Variants in SNX7 observed in about 807,000 individuals in gnomAD.
The protein encoded by SNX7 is sorting nexin 7.
Under a neutral mutation model 48.4 loss-of-function variants are expected in SNX7, and 35 were observed. That is an observed-to-expected ratio of 0.72 (90% CI 0.55 to 0.96). The LOEUF (loss-of-function observed/expected upper bound fraction) is 0.96, where lower values mean the gene tolerates loss of function less well. SNX7 is among the 40% of genes least tolerant of loss of function. SNX7 has a pLI of 0.00. For missense variants in SNX7, 553 were observed against 548.9 expected, an observed-to-expected ratio of 1.01 and a Z score of -0.07; for synonymous variants, 190 against 190.2, an observed-to-expected ratio of 1.00 and a Z score of 0.01.
intron 1 of SNX7, among the ~76,000 whole-genome samples, chr1:98,681,836 G>C (rs1650506016): frequency 6.6e-6 from 1 of 152,144 alleles, no homozygotes; most frequent in African/African-American, 2.4e-5. Context: ...CAAATACCTG[G>C]ATCGGTACTA....
At chr1:98,710,587 T>G (rs1382417635) in intron 7 of SNX7, among the ~76,000 whole-genome samples, 6 of 152,196 alleles carry the variant, frequency 3.9e-5, no homozygotes, top group Non-Finnish European at 8.8e-5. Flanking sequence ...TTTATGGGGT[T>G]TGCCTGCCGT....
At chr1:98,711,836 A>T (rs1036344219) in intron 7 of SNX7, among the ~76,000 whole-genome samples, 2 of 152,212 alleles carry the variant, frequency 1.3e-5, no homozygotes, top group Admixed American at 1.3e-4. Flanking sequence ...TTTTACCCAC[A>T]GAACTGCTTT....
intron 4 of SNX7, among the ~76,000 whole-genome samples, chr1:98,692,791 A>G (rs185220005): frequency 1.3e-5 from 2 of 152,326 alleles, no homozygotes; most frequent in African/African-American, 2.4e-5. Flanking sequence ...GTTTGTTTAC[A>G]TTTCTCTCAA....
chr1:98,744,264 T>G (rs1654213870), intron 8 of SNX7, among the ~76,000 whole-genome samples: 1 of 151,966 alleles, frequency 6.6e-6, no homozygotes, highest in South Asian at 2.1e-4. Context: ...TCATACACTC[T>G]AAATGAGAAT....
At chr1:98,756,580 G>C (rs1003824362) in intron 8 of SNX7, among the ~76,000 whole-genome samples, 1 of 151,472 alleles carries the variant, frequency 6.6e-6, no homozygotes, top group Non-Finnish European at 1.5e-5. Context: ...AATCCTTCCC[G>C]ATGGCTTTTT....
At chr1:98,749,322 A>T (rs749467491) in intron 8 of SNX7, among the ~76,000 whole-genome samples, 6 of 152,104 alleles carry the variant, frequency 3.9e-5, no homozygotes, top group Admixed American at 3.9e-4. Flanking sequence ...CAGAATAATA[A>T]AAAAATGGAC....
chr1:98,691,273 T>TA, intron 3 of SNX7, 88 bp downstream of exon 3: 1 of 696,890 alleles, frequency 1.4e-6, no homozygotes, highest in Non-Finnish European at 2.3e-6. Context: ...TTTCAGACCT[T>TA]AAGTTCACTG....
chr1:98,661,906 A>C lies in SNX7; in HGVS notation c.175A>C (p.Ser59Arg). 8.0e-7 allele frequency: 1 copy of C among 1,246,878 alleles called. No homozygotes were observed. Among genetic ancestry groups the C allele is most frequent in the Non-Finnish European group, 1.0e-6 (1 of 987,284 alleles). 77.2% of individuals were successfully genotyped at this position (1,246,878 alleles called of 1,614,324 possible). ...GGACGAGGACGACCTGGAGGTGTTC[A>C]GCAAGGTGAGGGCGGCGGCGGCGAG... ...DEDEDDLEVF[S>R]KDASLMDMNS... Residue 59 changes from serine (S) to arginine (R), a missense_variant, in exon 1 of 9, where the codon AGC (serine) becomes CGC (arginine). By Grantham distance (110) the Ser-to-Arg change is moderately radical. Transcript: ENST00000306121.
chr1:98,749,621 T>A (rs935513932), intron 8 of SNX7, among the ~76,000 whole-genome samples: 1 of 152,138 alleles, frequency 6.6e-6, no homozygotes, highest in South Asian at 2.1e-4. Context: ...GTTGTTTTTC[T>A]CTGGCAATAT....
intron 1 of SNX7, among the ~76,000 whole-genome samples, chr1:98,674,597 T>C (rs1231407536): frequency 6.6e-6 from 1 of 152,184 alleles, no homozygotes; most frequent in African/African-American, 2.4e-5. Flanking sequence ...TCCACGGTAC[T>C]GGGGATTTGG....
At chr1:98,720,729 C>T (rs559550370) in intron 7 of SNX7, among the ~76,000 whole-genome samples, 13 of 152,172 alleles carry the variant, frequency 8.5e-5, no homozygotes, top group East Asian at 5.8e-4. Flanking sequence ...CCATTTTGGA[C>T]GGTCCAGAAT....
rs181876474 is a variant in SNX7, at chr1:98,744,911, C to G, written c.1278+6522C>G. Reference sequence around the variant, plus strand: ...ACTCATAGAAGGAAGACTGACAGACCTTTACTTACCCAGAAGAAATGCAGG... The same window carrying G: ...ACTCATAGAAGGAAGACTGACAGACGTTTACTTACCCAGAAGAAATGCAGG... On this transcript the variant is annotated intron_variant, in intron 8 of 8. Transcript: ENST00000306121. Among the ~76,000 whole-genome samples, 16 of 152,058 alleles carry G rather than the reference C, an allele frequency of 1.1e-4. No homozygotes were observed. In the East Asian group the frequency reaches 2.3e-3, roughly 22 times the overall value.
intron 1 of SNX7, among the ~76,000 whole-genome samples, chr1:98,667,985 T>G (rs549920694): frequency 6.6e-6 from 1 of 152,266 alleles, no homozygotes; most frequent in East Asian, 1.9e-4. Context: ...CAGGACTACT[T>G]ATATTTCTCT....
chr1:98,684,842 A>G (rs1650698100), intron 1 of SNX7, 43 bp from the exon 2 acceptor site: 8 of 1,344,018 alleles, frequency 6.0e-6, no homozygotes, highest in Non-Finnish European at 7.9e-6. Flanking sequence ...AGAAGAGTTT[A>G]ATTTTTCTAT....
intron 7 of SNX7, among the ~76,000 whole-genome samples, chr1:98,730,323 GA>G (rs1653444160): frequency 6.6e-6 from 1 of 152,108 alleles, no homozygotes; most frequent in Admixed American, 6.5e-5. Context: ...GCAAAATCTG[GA>G]AGCAGTACCC....
intron 1 of SNX7, among the ~76,000 whole-genome samples, chr1:98,683,800 G>A (rs1570508639): frequency 1.3e-5 from 2 of 152,174 alleles, no homozygotes; most frequent in South Asian, 4.1e-4. Flanking sequence ...CTTGGGACCA[G>A]ATGAACAGGT....
At chr1:98,758,064 T>C (rs1402928082) in intron 8 of SNX7, among the ~76,000 whole-genome samples, 1 of 152,090 alleles carries the variant, frequency 6.6e-6, no homozygotes, top group African/African-American at 2.4e-5. Flanking sequence ...TCATAATTTC[T>C]ATTAGTTTGT....
rs182904906 is a variant in SNX7 at position 98,682,492 on chromosome 1, T to G, written c.181-2393T>G. 1.1e-3 allele frequency among the ~76,000 whole-genome samples: 171 copies of G among 152,316 alleles called. 2 individuals carry two copies. Among genetic ancestry groups the G allele is most frequent in the Non-Finnish European group, 2.1e-3 (145 of 68,034 alleles). On this transcript the variant is annotated intron_variant, in intron 1 of 8. Coordinates refer to ENST00000306121, the MANE Select transcript of SNX7 (RefSeq NM_015976.5). ...GAAGTAAGTTTTTGAAATCTTCTAT[T>G]TCTGAAATGGCTTAATTCTACCTGT...
intron 7 of SNX7, among the ~76,000 whole-genome samples, chr1:98,718,180 T>C (rs1391080035): frequency 3.3e-5 from 5 of 152,142 alleles, no homozygotes; most frequent in Non-Finnish European, 7.4e-5. Flanking sequence ...ATAGTTTTTG[T>C]CCAATGTCAA....
Sources: allele counts gnomAD v4.1 joint callset (sites outside exome capture counted in the v4.1 genomes callset), GRCh38; gene constraint gnomAD v4.1.1; transcripts MANE v1.5; gene names NCBI Gene and HGNC (gene_info 2026-07-23, HGNC 2026-07-21).